Variants in MDGA1 observed in about 807,000 individuals in gnomAD.
MDGA1 encodes MAM domain containing glycosylphosphatidylinositol anchor 1.
MDGA1 carries 54 observed loss-of-function variants against 101.5 expected under a neutral mutation model. The observed-to-expected ratio is 0.53, with a 90% CI of 0.43 to 0.67. The LOEUF is 0.67. MDGA1 is among the 30% of genes least tolerant of loss of function. The pLI, the probability that MDGA1 is intolerant of heterozygous loss-of-function variation, is 0.00. For missense variants in MDGA1, 1,083 were observed against 1,323.8 expected (o/e 0.82, Z 2.82); for synonymous variants, 533 against 558.3 (o/e 0.95, Z 0.64).
chr6:37,670,772 T>G (rs1561856324), intron 1 of MDGA1, among the ~76,000 whole-genome samples: 1 of 152,174 alleles, frequency 6.6e-6, no homozygotes, highest in Non-Finnish European at 1.5e-5. Flanking sequence ...TCCAAGCTCC[T>G]TGCCTCAGTT....
At chr6:37,681,270 A>G (rs1241617458) in intron 1 of MDGA1, among the ~76,000 whole-genome samples, 1 of 152,164 alleles carries the variant, frequency 6.6e-6, no homozygotes, top group Non-Finnish European at 1.5e-5. Context: ...TGCTAGATCA[A>G]TCGAGGCCAG....
chr6:37,638,060 C>A lies in MDGA1; in HGVS notation c.2776+145G>T. Reference sequence around the variant, plus strand: ...CCTGAGTGAGTGTGGGGCACACCTTCACACAGTCAGAGCCACATGATTCCC... The same window carrying A: ...CCTGAGTGAGTGTGGGGCACACCTTAACACAGTCAGAGCCACATGATTCCC... On this transcript the variant is annotated intron_variant, in intron 16 of 16. Transcript: ENST00000434837. This position sits in a 1 kb window ranked among gnomAD's most constrained non-coding sequence, Gnocchi z 4.8. 1.4e-6 allele frequency: 1 copy of A among 703,148 alleles called. No homozygotes were observed. The allele number at this position is 703,148 out of a possible 1,614,324, so 43.6% of individuals were successfully genotyped here. A position where few individuals can be genotyped will look rare whatever the true frequency, so the allele number is the denominator to read the frequency against.
chr6:37,668,837 CTT>C (rs1451749490), intron 1 of MDGA1, among the ~76,000 whole-genome samples: 1 of 151,112 alleles, frequency 6.6e-6, no homozygotes, highest in Non-Finnish European at 1.5e-5. Context: ...CTTTTTCTCT[CTT>C]TCTCTCTCTC....
intron 1 of MDGA1, among the ~76,000 whole-genome samples, chr6:37,668,188 C>T (rs1226484009): frequency 6.7e-6 from 1 of 150,304 alleles, no homozygotes; most frequent in Admixed American, 6.7e-5. Flanking sequence ...GAATTCAAGG[C>T]TGCAATGAGC....
Position 37,697,011 on chromosome 6 carries a change from C to A in MDGA1, c.-200G>T. Reference sequence around the variant, plus strand: ...TCTCCTCCGGCGGGGCCGCTGCCCGCGTGGGGACGCAGGGGGCGCTGGCCC... The same window carrying A: ...TCTCCTCCGGCGGGGCCGCTGCCCGAGTGGGGACGCAGGGGGCGCTGGCCC... On this transcript the variant is annotated 5_prime_UTR_variant, in exon 1 of 17. Transcript: ENST00000434837. 1 of 542,144 alleles carries A rather than the reference C, an allele frequency of 1.8e-6. No individual in the cohort carries two copies. Among genetic ancestry groups the A allele is most frequent in the Non-Finnish European group, 3.3e-6 (1 of 307,110 alleles). The allele number at this position is 542,144 out of a possible 1,614,324, so 33.6% of individuals were successfully genotyped here. A position where few individuals can be genotyped will look rare whatever the true frequency, so the allele number is the denominator to read the frequency against.
intron 9 of MDGA1, 55 bp downstream of exon 9, chr6:37,648,927 A>C: frequency 3.9e-6 from 6 of 1,524,654 alleles, no homozygotes; most frequent in Non-Finnish European, 5.3e-6. Context: ...GGATTGGGGC[A>C]GAGCCTGGCC....
At chr6:37,669,421 G>A (rs962978807) in intron 1 of MDGA1, among the ~76,000 whole-genome samples, 4 of 152,134 alleles carry the variant, frequency 2.6e-5, no homozygotes, top group African/African-American at 9.7e-5. Flanking sequence ...GTTACTTGAT[G>A]AGGCACTTCC....
chr6:37,633,069 C>A lies in MDGA1; in HGVS notation c.*4299G>T, dbSNP rs1763855538. ...GGGCAAGGGGTGGGGTGGGCAGATG[C>A]CATCCCTCTGGACCTCGCCTGTACA... On this transcript the variant is annotated 3_prime_UTR_variant, in exon 17 of 17. Transcript: ENST00000434837. 1.3e-5 allele frequency: 2 copies of A among 152,084 alleles called. No individual in the cohort carries two copies. Among genetic ancestry groups the A allele is most frequent in the Non-Finnish European group, 2.9e-5 (2 of 68,058 alleles). 9.4% of individuals were successfully genotyped at this position (152,084 alleles called of 1,614,324 possible). A position where few individuals can be genotyped will look rare whatever the true frequency, so the allele number is the denominator to read the frequency against.
chr6:37,631,458 G>A lies in MDGA1; in HGVS notation c.*5910C>T, dbSNP rs1763822910. 6.6e-6 allele frequency: 1 copy of A among 152,204 alleles called. No homozygotes were observed. Among genetic ancestry groups the A allele is most frequent in the Admixed American group, 6.5e-5 (1 of 15,274 alleles). 9.4% of individuals were successfully genotyped at this position (152,204 alleles called of 1,614,324 possible). ...AAAACTTAGGTGGTAGGGAGAGGGA[G>A]CCCTTGGTCTTGTAATCTGAGCTTC... On this transcript the variant is annotated 3_prime_UTR_variant, in exon 17 of 17. Coordinates refer to ENST00000434837, the MANE Select transcript of MDGA1 (RefSeq NM_153487.4).
chr6:37,666,447 TAAG>T (rs1761756144), intron 1 of MDGA1, among the ~76,000 whole-genome samples: 1 of 151,846 alleles, frequency 6.6e-6, no homozygotes, highest in Non-Finnish European at 1.5e-5. Context: ...TTAACAGAGG[TAAG>T]AAGATAAATA....
Position 37,646,335 on chromosome 6 carries a change from C to A in MDGA1, c.2087G>T (p.Arg696Leu). The A allele has an allele frequency of 6.3e-7, 1 of 1,579,752 alleles. No individual in the cohort carries two copies. The highest frequency in any genetic ancestry group is 2.3e-5 in the East Asian group (1 of 43,748). ...CAGCAGCTGCCCCTTCTCCACACGC[C>A]GGACCGGGATGGCCTTGACCACCGC... ...HNAVVKAIPVRRVEKGQLLEY... is the reference protein window; with the variant it reads ...HNAVVKAIPVLRVEKGQLLEY... The change falls in exon 11 of 17, where the codon CGG (arginine) becomes CTG (leucine). Residue 696 changes from arginine to leucine, a missense_variant. Transcript: ENST00000434837.
In MDGA1 at chr6:37,636,221, C is replaced by G. The variant is rs45454391; in HGVS notation, c.*1147G>C. 1 of 153,010 alleles carries G rather than the reference C, an allele frequency of 6.5e-6. No individual in the cohort carries two copies. The allele number at this position is 153,010 out of a possible 1,614,324, so 9.5% of individuals were successfully genotyped here. A position where few individuals can be genotyped will look rare whatever the true frequency, so the allele number is the denominator to read the frequency against. ...AAGGACAGGGATCCCTTTCACAGCT[C>G]CCAGAGAGTGAGGGGACTGGCACCT... On this transcript the variant is annotated 3_prime_UTR_variant, in exon 17 of 17. Coordinates refer to ENST00000434837, the MANE Select transcript of MDGA1 (RefSeq NM_153487.4).
At chr6:37,646,042 C>T (rs2114009150) in intron 11 of MDGA1, 86 bp from the exon 12 acceptor site, 2 of 1,599,908 alleles carry the variant, frequency 1.3e-6, no homozygotes, top group Non-Finnish European at 1.7e-6. Flanking sequence ...AGGACAGGGT[C>T]CTCAGAGCCA....
chr6:37,675,301 T>C (rs1445146837), intron 1 of MDGA1, among the ~76,000 whole-genome samples: 1 of 152,124 alleles, frequency 6.6e-6, no homozygotes, highest in East Asian at 1.9e-4. Flanking sequence ...ATCTGCAAAA[T>C]GGGGATAGTA....
rs1460661175 is a variant in MDGA1 at position 37,654,377 on chromosome 6, G to A, written c.879C>T (p.Leu293=). ...PLGALAQGGT[L]SIPSVQARDS... is the part of the protein sequence containing the mutation. ...CCCGGGCCTGCACTGAAGGGATGCT[G>A]AGGGTGCCACCCTGGGCCAGAGCAC... The change falls in exon 6 of 17, where the codon CTC becomes CTT. Residue 293 remains leucine, a synonymous_variant. Transcript: ENST00000434837. The A allele has an allele frequency of 3.1e-6, 5 of 1,613,468 alleles. No individual in the cohort carries two copies. The East Asian group carries it at 1.1e-4, about 36-fold the overall frequency.
chr6:37,646,390 G>T lies in MDGA1; in HGVS notation c.2047-15C>A. Reference sequence around the variant, plus strand: ...TGCTGGTTCAACTGTTAAGTACAGAGAGTTCCCAGATGCCTAGGAAGTCAG... The same window carrying T: ...TGCTGGTTCAACTGTTAAGTACAGATAGTTCCCAGATGCCTAGGAAGTCAG... On this transcript the variant is annotated splice_polypyrimidine_tract_variant and intron_variant, in intron 10 of 16. Coordinates refer to ENST00000434837, the MANE Select transcript of MDGA1 (RefSeq NM_153487.4). 6 of 1,458,406 alleles carry T rather than the reference G, an allele frequency of 4.1e-6. No individual in the cohort carries two copies. Among genetic ancestry groups the T allele is most frequent in the Non-Finnish European group, 5.5e-6 (6 of 1,097,700 alleles). The allele number at this position is 1,458,406 out of a possible 1,614,324, so 90.3% of individuals were successfully genotyped here. A position where few individuals can be genotyped will look rare whatever the true frequency, so the allele number is the denominator to read the frequency against.
intron 12 of MDGA1, among the ~76,000 whole-genome samples, chr6:37,645,018 A>G (rs1367807318): frequency 6.6e-6 from 1 of 152,270 alleles, no homozygotes; most frequent in Non-Finnish European, 1.5e-5. Context: ...TTATCTAATT[A>G]AATCACAAGA....
chr6:37,656,935 T>C (rs565473692), intron 3 of MDGA1, among the ~76,000 whole-genome samples: 1 of 152,272 alleles, frequency 6.6e-6, no homozygotes, highest in East Asian at 1.9e-4. Flanking sequence ...GATTTTCTTT[T>C]TAATACTGAT....
intron 2 of MDGA1, among the ~76,000 whole-genome samples, chr6:37,660,312 G>C (rs1761593080): frequency 6.6e-6 from 1 of 151,794 alleles, no homozygotes; most frequent in African/African-American, 2.4e-5. Flanking sequence ...CACTGCACCT[G>C]GTCCTTCATC....
Sources: gnomAD v4.1 joint callset for allele counts (sites outside exome capture counted in the v4.1 genomes callset) on GRCh38, gnomAD v4.1.1 for gene constraint, Gnocchi (gnomAD v3.1) non-coding constraint, MANE v1.5 for transcripts, NCBI Gene and HGNC (gene_info 2026-07-23, HGNC 2026-07-21) for gene names.